The following ZFP82 variants were observed in gnomAD, a reference collection of about 807,000 sequenced individuals.
The protein encoded by ZFP82 is zinc finger protein 82 homolog.
A neutral mutation model predicts 54.0 loss-of-function variants in ZFP82; 30 were observed. The ratio of observed to expected loss-of-function variants is 0.56; its 90% CI spans 0.42 to 0.75. The LOEUF (loss-of-function observed/expected upper bound fraction) is 0.75. ZFP82 is among the 30% of genes least tolerant of loss of function. The pLI is 0.00. For missense variants in ZFP82, 500 were observed against 636.8 expected, an observed-to-expected ratio of 0.79 and a Z score of 2.31; for synonymous variants, 194 against 209.5, an observed-to-expected ratio of 0.93 and a Z score of 0.64.
downstream of ZFP82, among the ~76,000 whole-genome samples, chr19:36,386,703 G>A (rs573769563): frequency 5.3e-4 from 81 of 152,318 alleles, no homozygotes; most frequent in African/African-American, 1.8e-3. Context: ...TTTGGAGGCC[G>A]AGGCAGGTGG....
At position 36,393,357 on chromosome 19, in the gene ZFP82, T is replaced by C; in HGVS notation, c.983A>G (p.His328Arg). ...TTTCTCACCAGTATGAAGTTTGTGA[T>C]GTACTCTAAGACCAGAGCCACACAA... Reference protein sequence around the residue: ...AFLCGSGLRVHHKLHTGEKPY... With the variant: ...AFLCGSGLRVRHKLHTGEKPY... Residue 328 changes from histidine to arginine, a missense_variant, in exon 5 of 5, where the codon CAT becomes CGT. Physicochemically the swap from His to Arg is conservative, Grantham distance 29. Transcript: ENST00000392161. 6.2e-7 allele frequency: 1 copy of C among 1,614,138 alleles called. No individual in the cohort carries two copies. The highest frequency in any genetic ancestry group is 8.5e-7 in the Non-Finnish European group (1 of 1,180,024).
chr19:36,402,544 C>T (rs2032406606), intron 4 of ZFP82, among the ~76,000 whole-genome samples: 1 of 147,658 alleles, frequency 6.8e-6, no homozygotes, highest in Admixed American at 6.8e-5. Context: ...AAGGTTAAGT[C>T]AGAAGATAGA....
At chr19:36,387,327 C>T (rs936463351), downstream of ZFP82, among the ~76,000 whole-genome samples, 1 of 152,186 alleles carries the variant, frequency 6.6e-6, no homozygotes, top group African/African-American at 2.4e-5. Flanking sequence ...TAGGGAAAAA[C>T]TTGATCCCCA....
At chr19:36,414,742 T>A (rs1022649653) in intron 1 of ZFP82, among the ~76,000 whole-genome samples, 3 of 151,616 alleles carry the variant, frequency 2.0e-5, no homozygotes, top group Admixed American at 6.6e-5. Context: ...TTACTTTCCA[T>A]CCCTAGTAGC....
chr19:36,405,587 T>C lies in ZFP82; in HGVS notation c.222A>G (p.Gln74=). ...TGCCCAACTAGCCCTCACCTGGATA[T>C]TGTCTTCTTCCTTTCCTCACAACTT... ...PWKVVRKGRR[Q]YPDLETKYET... The change falls in exon 4 of 5, where the codon CAA becomes CAG. Residue 74 remains glutamine (Q), a synonymous_variant. Transcript: ENST00000392161. The C allele has an allele frequency of 1.2e-6, 2 of 1,609,754 alleles. No homozygotes were observed. The highest frequency in any genetic ancestry group is 1.3e-5 in the African/African-American group (1 of 74,998).
intron 1 of ZFP82, among the ~76,000 whole-genome samples, chr19:36,416,166 T>C (rs2032665744): frequency 6.6e-6 from 1 of 152,196 alleles, no homozygotes; most frequent in Admixed American, 6.6e-5. Flanking sequence ...ATTAACAGTA[T>C]TTATTAATGG....
rs1321525546 is a variant in ZFP82, at chr19:36,389,116, T to C, written c.*3625A>G. On this transcript the variant is annotated 3_prime_UTR_variant, in exon 5 of 5. Transcript: ENST00000392161. ...GTGCAGTGGTGTGATCTCAGCTCAC[T>C]GCAACCTCCGCCTCCTGGGTTCAAG... Among the ~76,000 whole-genome samples the C allele has an allele frequency of 2.0e-5, 3 of 151,778 alleles. No homozygotes were observed. Among genetic ancestry groups the C allele is most frequent in the Non-Finnish European group, 2.9e-5 (2 of 67,952 alleles).
At chr19:36,418,078 G>A (rs919768113) in intron 1 of ZFP82, among the ~76,000 whole-genome samples, 2 of 151,930 alleles carry the variant, frequency 1.3e-5, no homozygotes, top group East Asian at 3.9e-4. Context: ...ATCACACCCG[G>A]CTCATTTTTT....
downstream of ZFP82, among the ~76,000 whole-genome samples, chr19:36,388,168 C>T (rs1254135530): frequency 1.3e-5 from 2 of 152,058 alleles, no homozygotes; most frequent in African/African-American, 2.4e-5. Context: ...CAGGGTATTC[C>T]TAGTAAATCA....
intron 4 of ZFP82, among the ~76,000 whole-genome samples, chr19:36,402,441 C>G: frequency 8.4e-6 from 1 of 119,624 alleles, no homozygotes; most frequent in African/African-American, 3.4e-5. Context: ...TGCACTCCAG[C>G]CTGGACAGAA....
At position 36,394,285 on chromosome 19, in the gene ZFP82, C is replaced by T. The variant is rs2032258830; in HGVS notation, c.230-175G>A. ...GGGAACATCAGGAAAAATGAGAGTT[C>T]ATACAAAATAGCAAGATTGGTGATG... is the stretch of plus-strand genomic sequence containing the variant. On this transcript the variant is annotated intron_variant, in intron 4 of 4. Coordinates refer to ENST00000392161, the MANE Select transcript of ZFP82 (RefSeq NM_133466.4). 5.1e-5 allele frequency: 31 copies of T among 609,114 alleles called. No homozygotes were observed. The South Asian group carries it at 6.2e-4, about 12-fold the overall frequency. The allele number at this position is 609,114 out of a possible 1,614,324, so 37.7% of individuals were successfully genotyped here. A position where few individuals can be genotyped will look rare whatever the true frequency, so the allele number is the denominator to read the frequency against.
intron 3 of ZFP82, among the ~76,000 whole-genome samples, chr19:36,407,171 G>A (rs2032497871): frequency 6.7e-6 from 1 of 149,370 alleles, no homozygotes; most frequent in African/African-American, 2.5e-5. Flanking sequence ...CCGCCTCCCG[G>A]GTTCACGCCA....
At position 36,389,132 on chromosome 19, in the gene ZFP82, T is replaced by C. The variant is rs867494607; in HGVS notation, c.*3609A>G. Reference sequence around the variant, plus strand: ...TCAGCTCACTGCAACCTCCGCCTCCTGGGTTCAAGCGATTTTCCTGCCTCA... The same window carrying C: ...TCAGCTCACTGCAACCTCCGCCTCCCGGGTTCAAGCGATTTTCCTGCCTCA... On this transcript the variant is annotated 3_prime_UTR_variant, in exon 5 of 5. Transcript: ENST00000392161. 2.0e-5 allele frequency among the ~76,000 whole-genome samples: 3 copies of C among 151,554 alleles called. No individual in the cohort carries two copies. Among genetic ancestry groups the C allele is most frequent in the Non-Finnish European group, 2.9e-5 (2 of 67,870 alleles).
At chr19:36,384,639 T>C (rs2032096456), downstream of ZFP82, among the ~76,000 whole-genome samples, 2 of 152,228 alleles carry the variant, frequency 1.3e-5, no homozygotes, top group South Asian at 4.1e-4. Context: ...TAGGATTAAG[T>C]ACTAGTGTTC....
intron 4 of ZFP82, among the ~76,000 whole-genome samples, chr19:36,402,285 G>A (rs936582586): frequency 3.0e-4 from 46 of 151,866 alleles, no homozygotes; most frequent in African/African-American, 1.1e-3. Flanking sequence ...TGGCTAACAC[G>A]GTAAAACCCC....
At chr19:36,395,256 A>G (rs560242939) in intron 4 of ZFP82, 1 of 152,234 alleles carries the variant, frequency 6.6e-6, no homozygotes, top group South Asian at 2.1e-4. Context: ...TACCTACTCA[A>G]TCTTCCCTTC....
chr19:36,413,139 A>C (rs186406467), intron 1 of ZFP82, among the ~76,000 whole-genome samples: 43 of 152,358 alleles, frequency 2.8e-4, no homozygotes, highest in African/African-American at 9.4e-4. Flanking sequence ...TTGGCCAGGC[A>C]TAGTGGCTCA....
chr19:36,409,332 C>T (rs1447537008), intron 2 of ZFP82, among the ~76,000 whole-genome samples: 2 of 151,870 alleles, frequency 1.3e-5, no homozygotes, highest in Non-Finnish European at 2.9e-5. Flanking sequence ...AGTGGCACAT[C>T]CATAGCTTCA....
At chr19:36,411,603 C>G (rs918150211) in intron 1 of ZFP82, among the ~76,000 whole-genome samples, 9 of 152,026 alleles carry the variant, frequency 5.9e-5, no homozygotes, top group African/African-American at 2.2e-4. Context: ...GTATGTTGAC[C>G]TTGTTCATAA....
Sources: gnomAD v4.1 joint callset for allele counts (sites outside exome capture counted in the v4.1 genomes callset) on GRCh38, gnomAD v4.1.1 for gene constraint, MANE v1.5 for transcripts, NCBI Gene and HGNC (gene_info 2026-07-23, HGNC 2026-07-21) for gene names.